Variants in REG4 observed in about 807,000 individuals in gnomAD.
REG4 encodes the protein regenerating islet-derived protein 4.
Under a neutral mutation model 22.3 loss-of-function variants are expected in REG4, and 16 were observed. The ratio of observed to expected loss-of-function variants is 0.72; its 90% confidence interval spans 0.49 to 1.09. The LOEUF is 1.09. REG4 is among the 50% of genes least tolerant of loss of function. The probability of loss-of-function intolerance (pLI) is 0.00; values close to 1 mark genes in which losing one functional copy is unlikely to be tolerated. For missense variants in REG4, 214 were observed against 193.9 expected (o/e 1.10, Z -0.61); for synonymous variants, 71 against 69.2 (o/e 1.03, Z -0.13).
chr1:119,797,032 G>A (rs1224130305), intron 5 of REG4, among the ~76,000 whole-genome samples: 2 of 152,210 alleles, frequency 1.3e-5, no homozygotes, highest in African/African-American at 4.8e-5. Context: ...TTTTTACAAT[G>A]TTCCTCATTT....
At chr1:119,799,113 C>T (rs1654020939) in intron 4 of REG4, among the ~76,000 whole-genome samples, 1 of 152,038 alleles carries the variant, frequency 6.6e-6, no homozygotes, top group African/African-American at 2.4e-5. Flanking sequence ...TATGGGGCTT[C>T]CCGCTTTATG....
intron 3 of REG4, among the ~76,000 whole-genome samples, chr1:119,800,078 G>A (rs1654051732): frequency 6.6e-6 from 1 of 152,128 alleles, no homozygotes; most frequent in African/African-American, 2.4e-5. Flanking sequence ...CAAGGCCAGG[G>A]CAAGAGATTT....
intron 2 of REG4, among the ~76,000 whole-genome samples, chr1:119,805,728 C>G (rs759472138): frequency 4.5e-4 from 69 of 152,098 alleles, no homozygotes; most frequent in Non-Finnish European, 6.8e-4. Flanking sequence ...TTTGTACTCT[C>G]TCTTTTCTCT....
chr1:119,795,366 G>C (rs772320716), intron 5 of REG4, among the ~76,000 whole-genome samples: 46 of 152,208 alleles, frequency 3.0e-4, no homozygotes, highest in Non-Finnish European at 5.6e-4. Context: ...CACAGCTGAG[G>C]CTCTAAGAAG....
At chr1:119,802,836 C>G (rs755949316) in intron 3 of REG4, 11 of 1,538,948 alleles carry the variant, frequency 7.1e-6, no homozygotes, top group Admixed American at 4.0e-5. Flanking sequence ...TCCTATGTAT[C>G]CGTATGTGCT....
At chr1:119,806,360 A>T (rs138417976) in intron 2 of REG4, among the ~76,000 whole-genome samples, 212 of 152,354 alleles carry the variant, frequency 1.4e-3, no homozygotes, top group African/African-American at 4.7e-3. Flanking sequence ...AGATGAAGAA[A>T]CAAAGGCAGA....
At chr1:119,807,677 A>G (rs1654364372) in intron 2 of REG4, among the ~76,000 whole-genome samples, 1 of 152,166 alleles carries the variant, frequency 6.6e-6, no homozygotes. Context: ...ACAGGTCCTG[A>G]GCAGCCTGCG....
At chr1:119,794,775 A>G in intron 5 of REG4, 90 bp from the exon 6 acceptor site, 3 of 1,101,354 alleles carry the variant, frequency 2.7e-6, no homozygotes, top group Non-Finnish European at 2.8e-6. Flanking sequence ...AAGCATAGAT[A>G]AGGCAATATG....
At chr1:119,806,936 T>C (rs587701346) in intron 2 of REG4, among the ~76,000 whole-genome samples, 1 of 150,148 alleles carries the variant, frequency 6.7e-6, no homozygotes, top group Non-Finnish European at 1.5e-5. Flanking sequence ...ATTAAGATAA[T>C]TCACGTACAG....
intron 2 of REG4, among the ~76,000 whole-genome samples, chr1:119,803,956 G>A (rs1654208026): frequency 6.6e-6 from 1 of 152,192 alleles, no homozygotes; most frequent in Non-Finnish European, 1.5e-5. Flanking sequence ...GAAAGAGCCA[G>A]GGCCTAGAAG....
At chr1:119,806,284 A>C (rs1477070580) in intron 2 of REG4, among the ~76,000 whole-genome samples, 3 of 152,158 alleles carry the variant, frequency 2.0e-5, no homozygotes, top group Non-Finnish European at 4.4e-5. Flanking sequence ...TACCCGATGC[A>C]GGTCCAGGCC....
chr1:119,806,861 C>T (rs1328667061), intron 2 of REG4, among the ~76,000 whole-genome samples: 5 of 152,226 alleles, frequency 3.3e-5, no homozygotes, highest in African/African-American at 1.2e-4. Flanking sequence ...TTCAGCTTTA[C>T]TTTTCTTGTC....
chr1:119,800,405 A>G (rs1020140397), intron 3 of REG4, among the ~76,000 whole-genome samples: 2 of 152,204 alleles, frequency 1.3e-5, no homozygotes, highest in African/African-American at 4.8e-5. Context: ...ATGTGAACAC[A>G]ATGTGCATCA....
chr1:119,809,800 A>C (rs913454148), intron 1 of REG4, among the ~76,000 whole-genome samples: 2 of 152,202 alleles, frequency 1.3e-5, no homozygotes, highest in Non-Finnish European at 2.9e-5. Context: ...TTAATAGGGC[A>C]CTAAAAGGAT....
At chr1:119,804,749 A>G (rs998237153) in intron 2 of REG4, among the ~76,000 whole-genome samples, 1 of 151,750 alleles carries the variant, frequency 6.6e-6, no homozygotes, top group Non-Finnish European at 1.5e-5. Context: ...CTGTCTTTGC[A>G]CTCTGTCTAC....
intron 2 of REG4, among the ~76,000 whole-genome samples, chr1:119,807,197 T>A (rs1298761712): frequency 2.0e-5 from 3 of 152,234 alleles, no homozygotes; most frequent in Non-Finnish European, 4.4e-5. Flanking sequence ...GAGTTTAATA[T>A]TCACTACAAG....
intron 3 of REG4, chr1:119,802,808 C>A: frequency 6.7e-7 from 1 of 1,496,236 alleles, no homozygotes; most frequent in Non-Finnish European, 8.9e-7. Context: ...AGTGAGCTTG[C>A]TGAGGGTAGG....
intron 4 of REG4, among the ~76,000 whole-genome samples, chr1:119,799,416 A>T (rs1261679718): frequency 2.4e-3 from 4 of 1,684 alleles, no homozygotes; most frequent in African/African-American, 0.011. Context: ...GCGTACACAC[A>T]CACACACACA....
intron 4 of REG4, 115 bp from the exon 5 acceptor site, chr1:119,798,717 C>T (rs1654008064): frequency 1.0e-5 from 7 of 692,652 alleles, no homozygotes; most frequent in Admixed American, 2.3e-5. Flanking sequence ...TGGGAAAGTA[C>T]AGAAATGCTT....
Sources: gnomAD v4.1 joint callset for allele counts (sites outside exome capture counted in the v4.1 genomes callset) on GRCh38, gnomAD v4.1.1 for gene constraint, MANE v1.5 for transcripts, NCBI Gene and HGNC (gene_info 2026-07-23, HGNC 2026-07-21) for gene names.